COMMD10: variants seen among roughly 807,000 people sequenced by gnomAD.
The protein encoded by COMMD10 is COMM domain containing 10, also known as COMM domain-containing protein 10.
Under a neutral mutation model 28.9 loss-of-function variants are expected in COMMD10, and 33 were observed. That is an observed-to-expected ratio of 1.14 (90% confidence interval 0.87 to 1.53). The LOEUF (loss-of-function observed/expected upper bound fraction) is 1.53, where lower values mean the gene tolerates loss of function less well. Among genes scored for constraint, COMMD10 ranks in the 40% most tolerant of loss-of-function variants. COMMD10 has a pLI of 0.00. For synonymous variants in COMMD10, 110 were observed against 81.7 expected (o/e 1.35, Z -1.87); for missense variants, 310 against 233.4 (o/e 1.33, Z -2.14).
At chr5:116,199,993 G>A (rs934055185) in intron 5 of COMMD10, among the ~76,000 whole-genome samples, 5 of 151,890 alleles carry the variant, frequency 3.3e-5, no homozygotes, top group African/African-American at 9.7e-5. Flanking sequence ...AATTTTTGTG[G>A]ATACATACTA....
chr5:116,151,106 A>G (rs62385213), intron 5 of COMMD10, among the ~76,000 whole-genome samples: 47,605 of 151,574 alleles, frequency 0.31, 10,335 homozygotes, highest in African/African-American at 0.62. Flanking sequence ...TTCTGCATCT[A>G]TTGAGATAAT....
chr5:116,155,008 G>GT (rs2112558423), intron 5 of COMMD10, among the ~76,000 whole-genome samples: 2 of 152,110 alleles, frequency 1.3e-5, no homozygotes, highest in Non-Finnish European at 2.9e-5. Context: ...AACTGTTGCT[G>GT]TTTCTTTAGT....
intron 5 of COMMD10, among the ~76,000 whole-genome samples, chr5:116,168,092 G>A (rs534151352): frequency 3.4e-5 from 5 of 147,578 alleles, no homozygotes; most frequent in Non-Finnish European, 5.9e-5. Context: ...GACCCATCTC[G>A]TGTGCAAAGA....
intron 5 of COMMD10, among the ~76,000 whole-genome samples, chr5:116,206,380 G>A (rs960443668): frequency 1.2e-4 from 19 of 152,056 alleles, no homozygotes; most frequent in African/African-American, 3.4e-4. Context: ...GTCGGGCACG[G>A]TGGCTCATGC....
chr5:116,143,056 ATG>A (rs71926968), intron 5 of COMMD10, among the ~76,000 whole-genome samples: 140,628 of 141,052 alleles, frequency 1, 70,102 homozygotes, highest in South Asian at 1. Context: ...CCTCAATTTA[ATG>A]TGTGTTTTTG....
chr5:116,126,474 C>A (rs990025737), intron 4 of COMMD10, among the ~76,000 whole-genome samples: 1 of 152,086 alleles, frequency 6.6e-6, no homozygotes. Flanking sequence ...CAAGTCAATC[C>A]TAAGCAAAAA....
At chr5:116,124,388 T>C (rs1751544872) in intron 4 of COMMD10, among the ~76,000 whole-genome samples, 1 of 152,188 alleles carries the variant, frequency 6.6e-6, no homozygotes, top group African/African-American at 2.4e-5. Context: ...TTTAAGTGAG[T>C]TTCTTAATCC....
intron 4 of COMMD10, among the ~76,000 whole-genome samples, chr5:116,128,277 A>G (rs985456002): frequency 6.6e-6 from 1 of 151,990 alleles, no homozygotes; most frequent in Non-Finnish European, 1.5e-5. Flanking sequence ...TTCTCAGGTA[A>G]AAGGTAATGT....
At chr5:116,189,677 G>T (rs531000578) in intron 5 of COMMD10, among the ~76,000 whole-genome samples, 1 of 152,162 alleles carries the variant, frequency 6.6e-6, no homozygotes, top group South Asian at 2.1e-4. Flanking sequence ...AGCCACAGCT[G>T]CCAGAACCCT....
In COMMD10 at chr5:116,090,077, G is replaced by A. The variant is rs187114713; in HGVS notation, c.133-1002G>A. ...ACTTTTATTTTATTAAGTTTGACCT[G>A]TTTATGGGCAGAAGAGATGTATTTG... On this transcript the variant is annotated intron_variant, in intron 2 of 6. Transcript: ENST00000274458. Among the ~76,000 whole-genome samples, 829 of 152,272 alleles carry A rather than the reference G, an allele frequency of 5.4e-3. 5 individuals are homozygous for A. Among genetic ancestry groups the A allele is most frequent in the Non-Finnish European group, 7.4e-3 (503 of 68,012 alleles).
At chr5:116,132,050 A>T (rs976726746) in intron 4 of COMMD10, among the ~76,000 whole-genome samples, 6 of 151,852 alleles carry the variant, frequency 4.0e-5, no homozygotes, top group Non-Finnish European at 8.8e-5. Context: ...TTAAGAAGGG[A>T]AGTGGGATGA....
chr5:116,164,049 GCTCACGT>G (rs1237250898), intron 5 of COMMD10, among the ~76,000 whole-genome samples: 1 of 152,120 alleles, frequency 6.6e-6, no homozygotes, highest in East Asian at 1.9e-4. Flanking sequence ...AGGCCTGGTG[GCTCACGT>G]CTGTAATCCC....
Position 116,292,381 on chromosome 5 carries a change from C to A in COMMD10, c.571-70C>A, listed in dbSNP as rs900462157. ...TTTTTTCCTTTCTATTTGCATGTGT[C>A]TGAATAACACTTGATATGAGTTTCG... On this transcript the variant is annotated intron_variant, in intron 6 of 6. Transcript: ENST00000274458. The A allele has an allele frequency of 3.6e-5, 37 of 1,024,790 alleles. No homozygotes were observed. In the Middle Eastern group the frequency reaches 6.6e-4, roughly 18 times the overall value. The allele number at this position is 1,024,790 out of a possible 1,614,324, so 63.5% of individuals were successfully genotyped here.
At chr5:116,283,348 C>A (rs1478224864) in intron 5 of COMMD10, among the ~76,000 whole-genome samples, 4 of 150,282 alleles carry the variant, frequency 2.7e-5, no homozygotes, top group African/African-American at 1.0e-4. Context: ...CACAAAATAA[C>A]AACTTTTTTT....
rs755528213 is a variant in COMMD10 at position 116,092,605 on chromosome 5, A to G, written c.304A>G (p.Arg102Gly). The change falls in exon 4 of 7, where the codon AGA (arginine) becomes GGA (glycine). Residue 102 changes from arginine to glycine, a missense_variant. Coordinates refer to ENST00000274458, the MANE Select transcript of COMMD10 (RefSeq NM_016144.4). ...GCAGCAATTAGAGAACATTCATCTT[A>G]GACAAGACAAAGCTGAAGCATTTGT... Reference protein sequence around the residue: ...LQQQLENIHLRQDKAEAFVNT... With the variant: ...LQQQLENIHLGQDKAEAFVNT... The G allele has an allele frequency of 1.1e-5, 17 of 1,612,282 alleles. No individual in the cohort carries two copies. In the South Asian group the frequency reaches 1.5e-4, roughly 15 times the overall value.
At chr5:116,133,259 G>C (rs540851912) in intron 4 of COMMD10, among the ~76,000 whole-genome samples, 29 of 152,258 alleles carry the variant, frequency 1.9e-4, no homozygotes, top group African/African-American at 6.0e-4. Flanking sequence ...TTCTGAAGCT[G>C]GAGGCACCAT....
intron 5 of COMMD10, among the ~76,000 whole-genome samples, chr5:116,208,467 C>T (rs1047110813): frequency 6.6e-6 from 1 of 152,138 alleles, no homozygotes; most frequent in Non-Finnish European, 1.5e-5. Context: ...CAGTTATTCC[C>T]TCCTTGTACA....
intron 5 of COMMD10, among the ~76,000 whole-genome samples, chr5:116,184,809 G>A (rs902806154): frequency 6.6e-6 from 1 of 152,064 alleles, no homozygotes; most frequent in Admixed American, 6.6e-5. Context: ...ATAAATGGTA[G>A]TAGAGGAACA....
intron 5 of COMMD10, among the ~76,000 whole-genome samples, chr5:116,256,102 C>G (rs909976212): frequency 6.6e-6 from 1 of 151,584 alleles, no homozygotes; most frequent in South Asian, 2.1e-4. Flanking sequence ...TGAAAAATAT[C>G]CCACGGGTGA....
Sources: allele counts gnomAD v4.1 joint callset (sites outside exome capture counted in the v4.1 genomes callset), GRCh38; gene constraint gnomAD v4.1.1; transcripts MANE v1.5; gene names NCBI Gene and HGNC (gene_info 2026-07-23, HGNC 2026-07-21).